CTNNA3: variants seen among roughly 807,000 people sequenced by gnomAD.
The protein encoded by CTNNA3 is catenin alpha-3.
CTNNA3 carries 76 observed loss-of-function variants against 95.7 expected under a neutral mutation model. That is an observed-to-expected ratio of 0.79 (90% CI 0.66 to 0.96). The LOEUF is 0.96. CTNNA3 is among the 40% of genes least tolerant of loss of function. The pLI is 0.00. For missense variants in CTNNA3, 1,191 were observed against 1,089.8 expected (o/e 1.09, Z -1.31); for synonymous variants, 431 against 374.4 (o/e 1.15, Z -1.74).
chr10:66,360,595 CCTTCTTT>C (rs1373756653), intron 12 of CTNNA3, among the ~76,000 whole-genome samples: 8 of 103,290 alleles, frequency 7.7e-5, no homozygotes, highest in East Asian at 4.5e-4. Context: ...TGTATTCTTT[CCTTCTTT>C]CTTTCTTTCT....
intron 5 of CTNNA3, among the ~76,000 whole-genome samples, chr10:67,418,549 A>T (rs1426783368): frequency 6.6e-6 from 1 of 151,950 alleles, no homozygotes; most frequent in Admixed American, 6.6e-5. Context: ...CATTTGCAAC[A>T]ACATGGGTGA....
intron 7 of CTNNA3, among the ~76,000 whole-genome samples, chr10:67,077,474 C>T (rs1004001306): frequency 1.3e-5 from 2 of 152,162 alleles, no homozygotes; most frequent in African/African-American, 4.8e-5. Flanking sequence ...GTCTCCAGTC[C>T]AACCATTCTG....
chr10:66,554,437 C>G (rs1842329128), intron 10 of CTNNA3, among the ~76,000 whole-genome samples: 1 of 151,864 alleles, frequency 6.6e-6, no homozygotes, highest in Admixed American at 6.6e-5. Context: ...AAAAATAATT[C>G]TTTTTGCCTA....
At chr10:67,632,958 G>A (rs990186959) in intron 2 of CTNNA3, among the ~76,000 whole-genome samples, 1 of 152,156 alleles carries the variant, frequency 6.6e-6, no homozygotes, top group Admixed American at 6.5e-5. Flanking sequence ...CCAGCCAATG[G>A]CAACAGGCTG....
intron 5 of CTNNA3, among the ~76,000 whole-genome samples, chr10:67,456,307 T>A (rs1409190247): frequency 1.3e-5 from 2 of 152,152 alleles, no homozygotes; most frequent in Non-Finnish European, 2.9e-5. Flanking sequence ...TATATGTTAG[T>A]CCATTTAGTA....
chr10:67,748,803 A>G (rs534742586), intron 1 of CTNNA3, among the ~76,000 whole-genome samples: 58 of 152,348 alleles, frequency 3.8e-4, no homozygotes, highest in African/African-American at 1.4e-3. Context: ...AAACACACAG[A>G]CTGGCAAATT....
intron 5 of CTNNA3, among the ~76,000 whole-genome samples, chr10:67,304,291 T>C (rs1229077216): frequency 6.6e-6 from 1 of 152,200 alleles, no homozygotes; most frequent in East Asian, 1.9e-4. Flanking sequence ...CATCTCTCCA[T>C]AGGCACTTCA....
chr10:66,917,114 C>T (rs958317580), intron 7 of CTNNA3, among the ~76,000 whole-genome samples: 3 of 152,134 alleles, frequency 2.0e-5, no homozygotes, highest in African/African-American at 4.8e-5. Flanking sequence ...AGAAGTCCTC[C>T]AGTGGAAGGC....
At chr10:66,755,482 C>T (rs1482763190) in intron 9 of CTNNA3, among the ~76,000 whole-genome samples, 7 of 151,984 alleles carry the variant, frequency 4.6e-5, no homozygotes, top group Non-Finnish European at 8.8e-5. Context: ...TCATTGATAT[C>T]ATTTGTAATT....
intron 6 of CTNNA3, among the ~76,000 whole-genome samples, chr10:67,214,933 T>A (rs74142436): frequency 6.6e-6 from 1 of 151,952 alleles, no homozygotes; most frequent in African/African-American, 2.4e-5. Context: ...AAAGACACCT[T>A]GCTTGGGATT....
intron 13 of CTNNA3, among the ~76,000 whole-genome samples, chr10:66,279,631 C>T (rs1170153052): frequency 6.6e-6 from 1 of 151,908 alleles, no homozygotes; most frequent in Non-Finnish European, 1.5e-5. Context: ...GGATCAAGCC[C>T]CAAGCCCCAG....
intron 9 of CTNNA3, among the ~76,000 whole-genome samples, chr10:66,650,726 G>A (rs1378515167): frequency 1.9e-4 from 29 of 152,098 alleles, no homozygotes; most frequent in Admixed American, 1.9e-3. Context: ...GCTCTTAAAG[G>A]CGGCGCATCT....
chr10:67,283,383 C>T (rs1839472609), intron 5 of CTNNA3, among the ~76,000 whole-genome samples: 1 of 152,098 alleles, frequency 6.6e-6, no homozygotes, highest in Admixed American at 6.5e-5. Context: ...GGCTCAAGCA[C>T]GCACCCTAAG....
intron 14 of CTNNA3, among the ~76,000 whole-genome samples, chr10:66,088,656 G>C (rs2133682336): frequency 6.6e-6 from 1 of 152,052 alleles, no homozygotes; most frequent in East Asian, 1.9e-4. Context: ...CCTGCAGACA[G>C]CTTACCCTAA....
intron 17 of CTNNA3, among the ~76,000 whole-genome samples, chr10:65,959,697 G>A (rs561522221): frequency 1.3e-5 from 2 of 152,222 alleles, no homozygotes; most frequent in South Asian, 2.1e-4. Context: ...GCTAATATTT[G>A]TAGAAATGGG....
chr10:67,707,158 C>A (rs1277997966), intron 1 of CTNNA3, among the ~76,000 whole-genome samples: 1 of 152,190 alleles, frequency 6.6e-6, no homozygotes, highest in Non-Finnish European at 1.5e-5. Flanking sequence ...CCATTCTCTA[C>A]ATAGCTTCTA....
intron 12 of CTNNA3, among the ~76,000 whole-genome samples, chr10:66,318,276 A>ATATATATATATGTG (rs33943741): frequency 5.9e-5 from 8 of 136,602 alleles, no homozygotes; most frequent in Admixed American, 1.5e-4. Context: ...ATATATATAT[A>ATATATATATATGTG]TGTGTGTGTG....
intron 10 of CTNNA3, among the ~76,000 whole-genome samples, chr10:66,530,150 TTAATA>T (rs1841416982): frequency 6.6e-6 from 1 of 152,212 alleles, no homozygotes; most frequent in Non-Finnish European, 1.5e-5. Context: ...AAAATTTTAC[TTAATA>T]TAACAAAAGC....
At chr10:66,619,217 A>G (rs1182093714) in intron 10 of CTNNA3, among the ~76,000 whole-genome samples, 3 of 151,544 alleles carry the variant, frequency 2.0e-5, no homozygotes, top group African/African-American at 7.3e-5. Context: ...CTGGGTATAT[A>G]CCCAAAGGAC....
Sources: gnomAD v4.1 joint callset for allele counts (sites outside exome capture counted in the v4.1 genomes callset) on GRCh38, gnomAD v4.1.1 for gene constraint, MANE v1.5 for transcripts, NCBI Gene and HGNC (gene_info 2026-07-23, HGNC 2026-07-21) for gene names.